Variants in CDH13 observed in about 807,000 individuals in gnomAD.
CDH13 encodes the protein cadherin 13.
In CDH13, 24 loss-of-function variants were observed where a neutral mutation model predicts 63.8. That is an observed-to-expected ratio of 0.38 (90% CI 0.27 to 0.53). CDH13 has a LOEUF of 0.53. CDH13 is among the 20% of genes least tolerant of loss of function. The probability of loss-of-function intolerance (pLI) is 0.85; values close to 1 mark genes in which losing one functional copy is unlikely to be tolerated. For synonymous variants in CDH13, 503 were observed against 355.3 expected (o/e 1.42, Z -4.67); for missense variants, 1,049 against 903.1 (o/e 1.16, Z -2.07).
chr16:83,381,270 A>G (rs2091561764), intron 6 of CDH13, among the ~76,000 whole-genome samples: 1 of 152,080 alleles, frequency 6.6e-6, no homozygotes, highest in Non-Finnish European at 1.5e-5. Flanking sequence ...AGCCTCCACC[A>G]GTTCCTAACT....
At chr16:83,589,838 CCTT>C (rs1166782689) in intron 7 of CDH13, among the ~76,000 whole-genome samples, 5 of 152,046 alleles carry the variant, frequency 3.3e-5, no homozygotes, top group Non-Finnish European at 7.4e-5. Context: ...GGAAGACAAA[CCTT>C]CATGATGGAG....
intron 3 of CDH13, among the ~76,000 whole-genome samples, chr16:83,058,324 C>T (rs1245260144): frequency 2.0e-5 from 3 of 152,184 alleles, no homozygotes; most frequent in African/African-American, 4.8e-5. Flanking sequence ...AGCGCCTCCA[C>T]GTTTTGTTCA....
intron 3 of CDH13, among the ~76,000 whole-genome samples, chr16:83,092,842 A>C (rs906074265): frequency 3.3e-5 from 5 of 152,222 alleles, no homozygotes; most frequent in Non-Finnish European, 5.9e-5. Context: ...TTTCTTAAGT[A>C]TAACATTGCT....
intron 1 of CDH13, among the ~76,000 whole-genome samples, chr16:82,668,971 C>T (rs28676558): frequency 5.3e-5 from 8 of 152,058 alleles, no homozygotes; most frequent in Middle Eastern, 6.3e-3. Context: ...GGGGCTGCCC[C>T]GGTGTACCTG....
At chr16:83,223,837 A>T (rs889731) in intron 5 of CDH13, among the ~76,000 whole-genome samples, 149,727 of 152,340 alleles carry the variant, frequency 0.98, 73,643 homozygotes, top group East Asian at 1. Context: ...ACATGAGTGC[A>T]ATTTTTTTAA....
At chr16:83,507,106 C>A (rs926533697) in intron 7 of CDH13, among the ~76,000 whole-genome samples, 2 of 152,334 alleles carry the variant, frequency 1.3e-5, no homozygotes, top group East Asian at 1.9e-4. Flanking sequence ...TGTTACCCCC[C>A]AAACCTGGTG....
intron 6 of CDH13, among the ~76,000 whole-genome samples, chr16:83,447,703 G>T (rs1442904348): frequency 1.3e-5 from 2 of 151,354 alleles, no homozygotes; most frequent in African/African-American, 4.8e-5. Context: ...GCTGGAATGT[G>T]AAGTTAGAGA....
chr16:83,085,817 A>G (rs886327637), intron 3 of CDH13, among the ~76,000 whole-genome samples: 6 of 152,234 alleles, frequency 3.9e-5, no homozygotes, highest in African/African-American at 4.8e-5. Flanking sequence ...ATGCTAAGAC[A>G]CATTGAAGCT....
intron 11 of CDH13, among the ~76,000 whole-genome samples, chr16:83,775,008 A>T (rs778704380): frequency 3.3e-4 from 49 of 150,634 alleles, no homozygotes; most frequent in Non-Finnish European, 6.2e-4. Flanking sequence ...AGTAATAATA[A>T]TAACCTGGAA....
At chr16:83,750,145 A>G (rs1232519860) in intron 11 of CDH13, among the ~76,000 whole-genome samples, 1 of 152,038 alleles carries the variant, frequency 6.6e-6, no homozygotes, top group Non-Finnish European at 1.5e-5. Flanking sequence ...AAGATACAAA[A>G]ATGAGCTGGG....
At chr16:83,198,322 T>TACACACAC (rs10547222) in intron 4 of CDH13, among the ~76,000 whole-genome samples, 12 of 144,524 alleles carry the variant, frequency 8.3e-5, no homozygotes, top group South Asian at 4.4e-4. Context: ...CACACACATG[T>TACACACAC]ACACACACAC....
chr16:83,715,304 G>C (rs1276762592), intron 10 of CDH13, among the ~76,000 whole-genome samples: 1 of 152,164 alleles, frequency 6.6e-6, no homozygotes, highest in Non-Finnish European at 1.5e-5. Context: ...ATCAGGGTTT[G>C]GATAATGCTT....
intron 4 of CDH13, among the ~76,000 whole-genome samples, chr16:83,167,862 A>G (rs1269854821): frequency 6.6e-6 from 1 of 152,092 alleles, no homozygotes; most frequent in South Asian, 2.1e-4. Flanking sequence ...ATGGAATACC[A>G]TGCAGCCATA....
intron 10 of CDH13, among the ~76,000 whole-genome samples, chr16:83,741,899 C>T (rs1371515755): frequency 6.6e-6 from 1 of 152,162 alleles, no homozygotes; most frequent in Non-Finnish European, 1.5e-5. Flanking sequence ...CTAGGCGGCA[C>T]ACTCCTTATG....
Position 83,690,179 on chromosome 16 carries a change from A to G in CDH13, c.1538+11718A>G, listed in dbSNP as rs117784934. Among the ~76,000 whole-genome samples the G allele has an allele frequency of 2.4e-4, 37 of 152,374 alleles. No homozygotes were observed. The East Asian group carries it at 5.6e-3, about 23-fold the overall frequency. ...CAAGAGCAAAAACTCCGTCTCAAAA[A>G]AAAGAAAAAGAAATCTGTTATCATC... On this transcript the variant is annotated intron_variant, in intron 10 of 13. Coordinates refer to ENST00000567109, the MANE Select transcript of CDH13 (RefSeq NM_001257.5).
At chr16:82,904,978 C>G (rs2041594742) in intron 2 of CDH13, among the ~76,000 whole-genome samples, 1 of 152,144 alleles carries the variant, frequency 6.6e-6, no homozygotes, top group Non-Finnish European at 1.5e-5. Flanking sequence ...CAGTTTCTCC[C>G]TAAATGAACC....
chr16:82,804,149 A>G (rs548163886), intron 1 of CDH13, among the ~76,000 whole-genome samples: 6 of 152,004 alleles, frequency 3.9e-5, no homozygotes, highest in Non-Finnish European at 7.4e-5. Context: ...AATCGCTTGA[A>G]CCCAGGAGGT....
intron 8 of CDH13, among the ~76,000 whole-genome samples, chr16:83,643,667 C>A (rs540403945): frequency 1.7e-4 from 26 of 152,154 alleles, no homozygotes; most frequent in African/African-American, 5.8e-4. Context: ...CAGAGAAACT[C>A]CATAATGTTT....
chr16:83,413,090 C>T (rs988642318), intron 6 of CDH13, among the ~76,000 whole-genome samples: 1 of 152,148 alleles, frequency 6.6e-6, no homozygotes, highest in African/African-American at 2.4e-5. Flanking sequence ...TAGCATCAAA[C>T]AGTGGTAATG....
Sources: gnomAD v4.1 joint callset for allele counts (sites outside exome capture counted in the v4.1 genomes callset) on GRCh38, gnomAD v4.1.1 for gene constraint, MANE v1.5 for transcripts, NCBI Gene and HGNC (gene_info 2026-07-23, HGNC 2026-07-21) for gene names.